The following IGSF8 variants were observed in gnomAD, a reference collection of about 807,000 sequenced individuals.
The protein encoded by IGSF8 is CD81 partner 3.
In IGSF8, 46 loss-of-function variants were observed where a neutral mutation model predicts 55.5. That is an observed-to-expected ratio of 0.83 (90% confidence interval 0.65 to 1.06). The LOEUF (loss-of-function observed/expected upper bound fraction) is 1.06. IGSF8 is among the 50% of genes least tolerant of loss of function. IGSF8 has a pLI of 0.00. For missense variants in IGSF8, 731 were observed against 832.3 expected (o/e 0.88, Z 1.50); for synonymous variants, 314 against 356.1 (o/e 0.88, Z 1.33).
rs138031652 is a variant in IGSF8, at chr1:160,092,972, C to T, written c.1264G>A (p.Ala422Thr). Reference sequence around the variant, plus strand: ...AGAGGCCGGGAACGGGCACTGGCTGCTTCACGAAGCCGGGTCCCAGACCCT... The same window carrying T: ...AGAGGCCGGGAACGGGCACTGGCTGTTTCACGAAGCCGGGTCCCAGACCCT... ...VRGSGTRLRE[A>T]ASARSRPLPV... is the part of the protein sequence containing the mutation. Residue 422 changes from alanine (A) to threonine (T), a missense_variant, in exon 4 of 7, where the codon GCA (alanine) becomes ACA (threonine). Transcript: ENST00000314485. The T allele has an allele frequency of 3.7e-6, 6 of 1,610,550 alleles. No individual in the cohort carries two copies. Among genetic ancestry groups the T allele is most frequent in the Middle Eastern group, 1.6e-4 (1 of 6,076 alleles).
rs868467992 is a variant in IGSF8, at chr1:160,097,877, G to T, written c.64+532C>A. 9.1e-6 allele frequency: 9 copies of T among 985,362 alleles called. No homozygotes were observed. In the African/African-American group the frequency reaches 1.6e-4, roughly 17 times the overall value. The allele number at this position is 985,362 out of a possible 1,614,324, so 61.0% of individuals were successfully genotyped here. The stretch of plus-strand genomic sequence containing the variant: ...GAAGGGCAAAGAGGGACCCAACCCA[G>T]GGTGGAGATGGGGGTGAGAGAGGGA... On this transcript the variant is annotated intron_variant, in intron 1 of 6. Transcript: ENST00000314485.
In IGSF8 at chr1:160,093,954, C is replaced by T. The variant is rs1387018921; in HGVS notation, c.660G>A (p.Val220=). 1 of 1,614,264 alleles carries T rather than the reference C, an allele frequency of 6.2e-7. No homozygotes were observed. ...PVGRSTLQEV[V]GIRSDLAVEA... is the part of the protein sequence containing the mutation. ...CCACGGCCAAGTCTGACCGGATTCC[C>T]ACCACTTCCTGCAGAGTTGACCGCC... The change falls in exon 3 of 7, where the codon GTG becomes GTA. Residue 220 remains valine, a synonymous_variant. Transcript: ENST00000314485.
intron 5 of IGSF8, 150 bp from the exon 6 acceptor site, chr1:160,092,088 C>G: frequency 1.2e-6 from 1 of 819,800 alleles, no homozygotes; most frequent in South Asian, 1.6e-5. Context: ...CCTCAGCATG[C>G]AAGTCAGCAT....
chr1:160,097,705 C>CA (rs947200361), intron 1 of IGSF8: 1 of 985,348 alleles, frequency 1.0e-6, no homozygotes, highest in Admixed American at 6.1e-5. Context: ...CCACCATGAA[C>CA]ACCCACCACA....
chr1:160,093,179 G>A lies in IGSF8; in HGVS notation c.1057C>T (p.Pro353Ser). Residue 353 changes from proline to serine, a missense_variant, in exon 4 of 7, where the codon CCT (proline) becomes TCT (serine). Physicochemically the swap from Pro to Ser is moderately conservative, Grantham distance 74 (BLOSUM62 -1). Coordinates refer to ENST00000314485, the MANE Select transcript of IGSF8 (RefSeq NM_052868.6). ...VGWEMAPAGA[P>S]GPGRLVAQLD... ...TGGGCTACCAGGCGGCCGGGCCCAGGTGCCCCCGCAGGTGCCATCTCCCAA... is the reference window on the plus strand; with the variant it reads ...TGGGCTACCAGGCGGCCGGGCCCAGATGCCCCCGCAGGTGCCATCTCCCAA... The A allele has an allele frequency of 8.7e-6, 14 of 1,613,628 alleles. No individual in the cohort carries two copies. The highest frequency in any genetic ancestry group is 1.1e-5 in the Non-Finnish European group (13 of 1,179,790).
At position 160,092,241 on chromosome 1, in the gene IGSF8, G is replaced by A. The variant is rs138302298; in HGVS notation, c.1726+41C>T. On this transcript the variant is annotated intron_variant, in intron 5 of 6. Transcript: ENST00000314485. ...AGGGAAGGCCAGTGGCAGAGGCCAG[G>A]AGGAAGGCAGAGTGAGGAGGGTGGA... is the stretch of plus-strand genomic sequence containing the variant. 8.4e-4 allele frequency: 1,348 copies of A among 1,596,586 alleles called. 6 individuals are homozygous for A. The African/African-American group carries it at 0.015, about 18-fold the overall frequency.
Position 160,093,723 on chromosome 1 carries a change from A to G in IGSF8, c.891T>C (p.Asp297=). The G allele has an allele frequency of 3.1e-6, 5 of 1,606,574 alleles. No homozygotes were observed. The highest frequency in any genetic ancestry group is 4.3e-6 in the Non-Finnish European group (5 of 1,175,228). Residue 297 remains aspartate (D), a synonymous_variant, in exon 3 of 7, where the codon GAT becomes GAC. Transcript: ENST00000314485. ...AEKRAVLAHV[D]VQTLSSQLAV... is the part of the protein sequence containing the mutation. ...AGTGGCACTTACACAGCGTCTGCAC[A>G]TCCACGTGGGCCAGGACGGCCCTTT...
At position 160,092,477 on chromosome 1, in the gene IGSF8, G is replaced by A. The variant is rs766702449; in HGVS notation, c.1531C>T (p.Arg511Trp). The change falls in exon 5 of 7, where the codon CGG becomes TGG. Residue 511 changes from arginine to tryptophan, a missense_variant. Physicochemically the swap from Arg to Trp is moderately radical, Grantham distance 101 (BLOSUM62 -3). Transcript: ENST00000314485. ...GQDGVAELGVRPGGGPVSVEL... is the reference protein window; with the variant it reads ...GQDGVAELGVWPGGGPVSVEL... ...ACGCTGACAGGGCCTCCTCCAGGCC[G>A]GACTCCCAGCTCTGCCACACCATCC... is the stretch of plus-strand genomic sequence containing the variant. The A allele has an allele frequency of 5.6e-6, 9 of 1,613,248 alleles. No individual in the cohort carries two copies. Among genetic ancestry groups the A allele is most frequent in the Middle Eastern group, 3.3e-4 (2 of 6,034 alleles).
intron 1 of IGSF8, among the ~76,000 whole-genome samples, chr1:160,097,276 G>T (rs1312884182): frequency 6.6e-6 from 1 of 152,120 alleles, no homozygotes; most frequent in Non-Finnish European, 1.5e-5. Flanking sequence ...GCCCACTGGG[G>T]AAAACACACC....
rs376756375 is a variant in IGSF8 at position 160,093,231 on chromosome 1, T to C, written c.1005A>G (p.Ala335=). Residue 335 remains alanine, a synonymous_variant, in exon 4 of 7, where the codon GCA becomes GCG. Transcript: ENST00000314485. The part of the protein sequence containing the change: ...LCNVSGALPP[A]GRHAAYSVGW... ...CTACAGAGTATGCAGCATGACGGCC[T>C]GCTGGGGGAAGTGCCCCTGACACAT... The C allele has an allele frequency of 3.7e-6, 6 of 1,614,012 alleles. No homozygotes were observed. The African/African-American group carries it at 8.0e-5, about 22-fold the overall frequency.
chr1:160,093,419 C>G, intron 3 of IGSF8, 88 bp from the exon 4 acceptor site: 1 of 1,338,000 alleles, frequency 7.5e-7, no homozygotes, highest in Non-Finnish European at 1.0e-6. Context: ...TCCTACTTGA[C>G]AGCAGCAACT....
chr1:160,098,024 A>T, intron 1 of IGSF8: 1 of 970,722 alleles, frequency 1.0e-6, no homozygotes, highest in Non-Finnish European at 1.2e-6. Flanking sequence ...CTGGGCAGGC[A>T]CTGCCCTCGT....
Position 160,092,617 on chromosome 1 carries a change from A to T in IGSF8, c.1391T>A (p.Ile464Asn). ...TCCTGGGGGGCCACCCCGCACAGAGATGTTGCACAGCAGGGAGGCAGTCTC... is the reference window on the plus strand; with the variant it reads ...TCCTGGGGGGCCACCCCGCACAGAGTTGTTGCACAGCAGGGAGGCAGTCTC... ...RGETASLLCN[I>N]SVRGGPPGLR... is the part of the protein sequence containing the mutation. The change falls in exon 5 of 7, where the codon ATC becomes AAC. Residue 464 changes from isoleucine to asparagine, a missense_variant. By Grantham distance (149) the Ile-to-Asn change is moderately radical. Transcript: ENST00000314485. The T allele has an allele frequency of 6.2e-7, 1 of 1,605,948 alleles. No individual in the cohort carries two copies. The highest frequency in any genetic ancestry group is 8.5e-7 in the Non-Finnish European group (1 of 1,179,946).
At chr1:160,097,707 C>A in intron 1 of IGSF8, 1 of 985,458 alleles carries the variant, frequency 1.0e-6, no homozygotes, top group Non-Finnish European at 1.2e-6. Context: ...ACCATGAACA[C>A]CCACCACAGC....
At position 160,098,514 on chromosome 1, in the gene IGSF8, G is replaced by T; in HGVS notation, c.-42C>A. On this transcript the variant is annotated 5_prime_UTR_variant, in exon 1 of 7. Coordinates refer to ENST00000314485, the MANE Select transcript of IGSF8 (RefSeq NM_052868.6). The stretch of plus-strand genomic sequence containing the variant: ...TGGGGAGGCTCCGGGGGATGGCGCG[G>T]GTTCTGGGGGGCCGGAAGGGTGGGG... 2 of 1,471,908 alleles carry T rather than the reference G, an allele frequency of 1.4e-6. No homozygotes were observed. The highest frequency in any genetic ancestry group is 1.8e-6 in the Non-Finnish European group (2 of 1,098,222). 91.2% of individuals were successfully genotyped at this position (1,471,908 alleles called of 1,614,324 possible). A position where few individuals can be genotyped will look rare whatever the true frequency, so the allele number is the denominator to read the frequency against.
chr1:160,092,315 A>G lies in IGSF8; in HGVS notation c.1693T>C (p.Ser565Pro). ...TAGGGGTAGACTGTAACAGGCCCTG[A>G]GCGGGCACTGCCCGCCTGGTACCAG... ...YSWYQAGSAR[S>P]GPVTVYPYMH... The change falls in exon 5 of 7, where the codon TCA becomes CCA. Residue 565 changes from serine to proline, a missense_variant. Coordinates refer to ENST00000314485, the MANE Select transcript of IGSF8 (RefSeq NM_052868.6). 1 of 1,614,100 alleles carries G rather than the reference A, an allele frequency of 6.2e-7. No homozygotes were observed. The highest frequency in any genetic ancestry group is 8.5e-7 in the Non-Finnish European group (1 of 1,179,974).
chr1:160,092,115 C>T (rs1650000727), intron 5 of IGSF8, among the ~76,000 whole-genome samples, 167 bp downstream of exon 5: 1 of 152,194 alleles, frequency 6.6e-6, no homozygotes, highest in African/African-American at 2.4e-5. Flanking sequence ...CAGAGGACCC[C>T]GTGCAGGTGG....
chr1:160,094,928 T>C lies in IGSF8; in HGVS notation c.383A>G (p.His128Arg). The C allele has an allele frequency of 6.2e-7, 1 of 1,613,934 alleles. No individual in the cohort carries two copies. Among genetic ancestry groups the C allele is most frequent in the African/African-American group, 1.3e-5 (1 of 74,922 alleles). The stretch of plus-strand genomic sequence containing the variant: ...GTAGCGGGTATCAGTGGAGGGGGTG[T>C]GGCACTCATAAATGCCGGCATCCTG... ...QAQDAGIYEC[H>R]TPSTDTRYLG... The change falls in exon 2 of 7, where the codon CAC (histidine) becomes CGC (arginine). Residue 128 changes from histidine to arginine, a missense_variant. By Grantham distance (29) the His-to-Arg change is conservative. Coordinates refer to ENST00000314485, the MANE Select transcript of IGSF8 (RefSeq NM_052868.6). The surrounding 1 kb of genome is among the most constrained non-coding windows in gnomAD (Gnocchi z 4.0).
chr1:160,093,674 C>T (rs1174443694), intron 3 of IGSF8, 36 bp downstream of exon 3: 1 of 1,535,980 alleles, frequency 6.5e-7, no homozygotes, highest in Non-Finnish European at 8.9e-7. Flanking sequence ...ACTGTCCCTC[C>T]CAGCTCCCAC....
Sources: allele counts gnomAD v4.1 joint callset (sites outside exome capture counted in the v4.1 genomes callset), GRCh38; gene constraint gnomAD v4.1.1; non-coding constraint Gnocchi (gnomAD v3.1); transcripts MANE v1.5; gene names NCBI Gene and HGNC (gene_info 2026-07-23, HGNC 2026-07-21).